CFAP61: variants seen among roughly 807,000 people sequenced by gnomAD.
The protein encoded by CFAP61 is cilia- and flagella-associated protein 61.
A neutral mutation model predicts 135.6 loss-of-function variants in CFAP61; 107 were observed. The ratio of observed to expected loss-of-function variants is 0.79; its 90% confidence interval spans 0.67 to 0.93. CFAP61 has a LOEUF of 0.93. CFAP61 is among the 40% of genes least tolerant of loss of function. CFAP61 has a pLI of 0.00. For missense variants in CFAP61, 1,507 were observed against 1,556.2 expected, an observed-to-expected ratio of 0.97 and a Z score of 0.53; for synonymous variants, 575 against 578.5, an observed-to-expected ratio of 0.99 and a Z score of 0.09.
intron 20 of CFAP61, among the ~76,000 whole-genome samples, chr20:20,255,368 G>A (rs1321464390): frequency 1.3e-5 from 2 of 152,240 alleles, no homozygotes; most frequent in Non-Finnish European, 2.9e-5. Flanking sequence ...TGAGCTTGGT[G>A]TTGAGCATGA....
intron 13 of CFAP61, among the ~76,000 whole-genome samples, chr20:20,179,532 T>C (rs1601211508): frequency 6.6e-6 from 1 of 152,152 alleles, no homozygotes; most frequent in African/African-American, 2.4e-5. Flanking sequence ...AAAAAACTGT[T>C]TTGATATTCA....
chr20:20,255,717 T>C (rs1248131202), intron 20 of CFAP61, among the ~76,000 whole-genome samples: 2 of 152,188 alleles, frequency 1.3e-5, no homozygotes, highest in African/African-American at 2.4e-5. Flanking sequence ...GATCTCACTC[T>C]GAGAATGATT....
In CFAP61 at chr20:20,288,699, A is replaced by G. The variant is rs2054775730; in HGVS notation, c.2887A>G (p.Ile963Val). Residue 963 changes from isoleucine to valine, a missense_variant, in exon 23 of 27, where the codon ATT (isoleucine) becomes GTT (valine). Transcript: ENST00000245957. Reference sequence around the variant, plus strand: ...TCTTGTGTATGACAGTCGACTTGTGATTGATACCAACTTCCACACCAACGA... The same window carrying G: ...TCTTGTGTATGACAGTCGACTTGTGGTTGATACCAACTTCCACACCAACGA... ...ACLVYDSRLV[I>V]DTNFHTNDIA... The G allele has an allele frequency of 1.2e-6, 2 of 1,613,996 alleles. No individual in the cohort carries two copies. Among genetic ancestry groups the G allele is most frequent in the South Asian group, 1.1e-5 (1 of 91,086 alleles).
chr20:20,163,657 G>C (rs2053583597), intron 10 of CFAP61, among the ~76,000 whole-genome samples: 1 of 151,512 alleles, frequency 6.6e-6, no homozygotes, highest in Non-Finnish European at 1.5e-5. Context: ...AGAACGTGCA[G>C]GTTTGTTACC....
At position 20,258,877 on chromosome 20, in the gene CFAP61, G is replaced by A. The variant is rs539179357; in HGVS notation, c.2329-4079G>A. ...CATGTTGTAGGTTAGAGAACCGAGG[G>A]TGCTGTGAAGCTTAGGTAGTTTGCC... On this transcript the variant is annotated intron_variant, in intron 20 of 26. Coordinates refer to ENST00000245957, the MANE Select transcript of CFAP61 (RefSeq NM_015585.4). 7.2e-4 allele frequency among the ~76,000 whole-genome samples: 110 copies of A among 152,294 alleles called. 3 individuals are homozygous for A. In the South Asian group the frequency reaches 0.019, roughly 27 times the overall value.
At chr20:20,147,520 T>G (rs1321455478) in intron 9 of CFAP61, among the ~76,000 whole-genome samples, 1 of 152,222 alleles carries the variant, frequency 6.6e-6, no homozygotes, top group Non-Finnish European at 1.5e-5. Context: ...TTTTTCATGT[T>G]TGTTGGCTGT....
intron 17 of CFAP61, among the ~76,000 whole-genome samples, chr20:20,223,829 T>C (rs2146939676): frequency 1.3e-5 from 2 of 152,360 alleles, no homozygotes; most frequent in Middle Eastern, 3.4e-3. Context: ...TAAACTCAAC[T>C]GAGTGTGCAC....
chr20:20,276,911 C>T (rs547622100), intron 21 of CFAP61, among the ~76,000 whole-genome samples: 3 of 152,154 alleles, frequency 2.0e-5, no homozygotes, highest in African/African-American at 7.2e-5. Flanking sequence ...TTTCTTTCAG[C>T]CTAATTTCAA....
intron 9 of CFAP61, among the ~76,000 whole-genome samples, chr20:20,154,378 A>G (rs1430157124): frequency 6.6e-6 from 1 of 152,136 alleles, no homozygotes; most frequent in Admixed American, 6.5e-5. Flanking sequence ...AAAGAAAGCA[A>G]CAAAAGCCAT....
intron 17 of CFAP61, among the ~76,000 whole-genome samples, chr20:20,210,594 C>A (rs934668502): frequency 6.6e-6 from 1 of 152,290 alleles, no homozygotes; most frequent in South Asian, 2.1e-4. Flanking sequence ...AAAAACAACA[C>A]CCCACTAGGA....
At chr20:20,243,739 C>G (rs1459535697) in intron 18 of CFAP61, among the ~76,000 whole-genome samples, 1 of 152,086 alleles carries the variant, frequency 6.6e-6, no homozygotes, top group Admixed American at 6.5e-5. Flanking sequence ...GCCTGGCCCC[C>G]CAAAGTCTTA....
intron 8 of CFAP61, among the ~76,000 whole-genome samples, chr20:20,118,045 T>G (rs1196108274): frequency 1.3e-5 from 2 of 152,164 alleles, no homozygotes; most frequent in African/African-American, 4.8e-5. Flanking sequence ...AAAACAAATT[T>G]GACATCTTCC....
chr20:20,137,656 C>T (rs1600882299), intron 8 of CFAP61, among the ~76,000 whole-genome samples: 1 of 152,234 alleles, frequency 6.6e-6, no homozygotes, highest in East Asian at 1.9e-4. Context: ...GTGGGCTCTT[C>T]CACTGGCCTA....
intron 8 of CFAP61, among the ~76,000 whole-genome samples, chr20:20,135,290 T>C (rs2050838361): frequency 6.6e-6 from 1 of 152,128 alleles, no homozygotes; most frequent in Non-Finnish European, 1.5e-5. Flanking sequence ...CAACTTCTTA[T>C]CTCTAGAATT....
At chr20:20,122,330 A>G (rs947749148) in intron 8 of CFAP61, among the ~76,000 whole-genome samples, 4 of 151,768 alleles carry the variant, frequency 2.6e-5, no homozygotes, top group Non-Finnish European at 5.9e-5. Flanking sequence ...TAATTTTTGT[A>G]TTTTTTAGCA....
chr20:20,207,384 GA>G (rs570048812), intron 17 of CFAP61, among the ~76,000 whole-genome samples: 54 of 152,126 alleles, frequency 3.5e-4, no homozygotes, highest in African/African-American at 4.8e-4. Context: ...CCAGTAGGGG[GA>G]AAAAAAATGC....
chr20:20,356,665 A>T (rs532258233), intron 26 of CFAP61, among the ~76,000 whole-genome samples: 1 of 30,814 alleles, frequency 3.2e-5, no homozygotes, highest in Admixed American at 2.5e-4. Context: ...AAGTGGTCAC[A>T]CTGAGGGGAG....
At chr20:20,337,346 G>A (rs866013367) in intron 25 of CFAP61, among the ~76,000 whole-genome samples, 41 of 2,964 alleles carry the variant, frequency 0.014, no homozygotes, top group African/African-American at 0.023. Context: ...GGATAGATGG[G>A]TGGGTGGGTG....
At position 20,360,678 on chromosome 20, in the gene CFAP61, A is replaced by C; in HGVS notation, c.*268A>C. On this transcript the variant is annotated 3_prime_UTR_variant, in exon 27 of 27. Transcript: ENST00000245957. ...CAGAATAATCCATTTCAGCAATAAA[A>C]TGAGATCATAGTGTGTAAAACTTGT... The C allele has an allele frequency of 6.4e-6, 3 of 465,154 alleles. No homozygotes were observed. The highest frequency in any genetic ancestry group is 3.8e-6 in the Non-Finnish European group (1 of 263,256). The allele number at this position is 465,154 out of a possible 1,614,324, so 28.8% of individuals were successfully genotyped here.
Sources: gnomAD v4.1 joint callset for allele counts (sites outside exome capture counted in the v4.1 genomes callset) on GRCh38, gnomAD v4.1.1 for gene constraint, MANE v1.5 for transcripts, NCBI Gene and HGNC (gene_info 2026-07-23, HGNC 2026-07-21) for gene names.